Variants in DNMT3A observed in about 807,000 individuals in gnomAD.
DNMT3A encodes the protein DNA (cytosine-5)-methyltransferase 3A.
DNMT3A carries 267 observed loss-of-function variants against 117.6 expected under a neutral mutation model. The ratio of observed to expected loss-of-function variants is 2.27; its 90% CI spans 2.05 to 2.51. DNMT3A has a LOEUF of 2.51. DNMT3A is among the 30% of genes most tolerant of loss of function. The probability of loss-of-function intolerance (pLI) is 0.00; values close to 1 mark genes in which losing one functional copy is unlikely to be tolerated. For missense variants in DNMT3A, 1,029 were observed against 1,260.2 expected (o/e 0.82, Z 2.78); for synonymous variants, 432 against 474.8 (o/e 0.91, Z 1.17).
rs62129122 is a variant in DNMT3A, at chr2:25,230,809, C to T, written c.*3470G>A. 2.9e-5 allele frequency: 3 copies of T among 103,428 alleles called. No homozygotes were observed. Among genetic ancestry groups the T allele is most frequent in the South Asian group, 3.1e-4 (1 of 3,202 alleles). 6.4% of individuals were successfully genotyped at this position (103,428 alleles called of 1,614,324 possible). On this transcript the variant is annotated 3_prime_UTR_variant, in exon 23 of 23. Coordinates refer to ENST00000321117, the MANE Select transcript of DNMT3A (RefSeq NM_022552.5). ...CCTGCAAGGGGGGGGGGGGGGGGGC[C>T]ATGACCCCTGGGGCATCTGGTCCAT...
At chr2:25,338,816 T>C (rs1307013880) in intron 1 of DNMT3A, among the ~76,000 whole-genome samples, 1 of 152,186 alleles carries the variant, frequency 6.6e-6, no homozygotes, top group Non-Finnish European at 1.5e-5. Flanking sequence ...CCTGTCTTCC[T>C]AGCTTTTTGA....
At chr2:25,313,779 G>T in intron 2 of DNMT3A, 134 bp downstream of exon 2, 12 of 1,351,280 alleles carry the variant, frequency 8.9e-6, no homozygotes, top group Non-Finnish European at 1.2e-5. Flanking sequence ...ACAGGGATGT[G>T]ATGGTCCCAC....
chr2:25,282,627 A>G lies in DNMT3A; in HGVS notation c.262T>C (p.Leu88=), dbSNP rs2031970309. ...CGCTTCTCCAAGTCCCCATTGGGTA[A>G]TAGCTCTGAGGCGCCTGAGTCCTGG... ...MAQDSGASEL[L]PNGDLEKRSE... Residue 88 remains leucine, a synonymous_variant, in exon 4 of 23, where the codon TTA becomes CTA. Coordinates refer to ENST00000321117, the MANE Select transcript of DNMT3A (RefSeq NM_022552.5). This position sits in a 1 kb window ranked among gnomAD's most constrained non-coding sequence, Gnocchi z 5.2. 1 of 1,613,602 alleles carries G rather than the reference A, an allele frequency of 6.2e-7. No individual in the cohort carries two copies.
At chr2:25,340,121 T>G (rs962455811) in intron 1 of DNMT3A, among the ~76,000 whole-genome samples, 1 of 152,272 alleles carries the variant, frequency 6.6e-6, no homozygotes, top group African/African-American at 2.4e-5. Flanking sequence ...TGCGCGGCCC[T>G]GGGGCTCGGC....
chr2:25,235,697 A>G lies in DNMT3A; in HGVS notation c.2597+10T>C. ...CACACCGCAGCCAGATGCCAGCACA[A>G]CCCGGGTACCTTTCCATTTCAGTGC... On this transcript the variant is annotated intron_variant, in intron 22 of 22. Coordinates refer to ENST00000321117, the MANE Select transcript of DNMT3A (RefSeq NM_022552.5). 6.4e-7 allele frequency: 1 copy of G among 1,561,840 alleles called. No individual in the cohort carries two copies. The highest frequency in any genetic ancestry group is 8.8e-7 in the Non-Finnish European group (1 of 1,133,592).
At chr2:25,319,115 T>C (rs1002485837) in intron 1 of DNMT3A, among the ~76,000 whole-genome samples, 2 of 150,586 alleles carry the variant, frequency 1.3e-5, no homozygotes, top group South Asian at 2.1e-4. Flanking sequence ...CCCGGGTTCA[T>C]GCCATTCTCC....
rs2033660257 is a variant in DNMT3A at position 25,304,023 on chromosome 2, GAAAGA to G, written c.73-3785_73-3781del. On this transcript the variant is annotated intron_variant, in intron 2 of 22. Coordinates refer to ENST00000321117, the MANE Select transcript of DNMT3A (RefSeq NM_022552.5). This position sits in a 1 kb window ranked among gnomAD's most constrained non-coding sequence, Gnocchi z 4.3. ...AATTAGGAGGCGTTGCTAATACTCTGAAAGAAAAGAATCTGATCCGTGGTGACATG... is the reference window on the plus strand; with the variant it reads ...AATTAGGAGGCGTTGCTAATACTCTGAAAGAATCTGATCCGTGGTGACATG... Among the ~76,000 whole-genome samples, 1 of 152,226 alleles carries G rather than the reference GAAAGA, an allele frequency of 6.6e-6. No homozygotes were observed. The highest frequency in any genetic ancestry group is 6.5e-5 in the Admixed American group (1 of 15,288).
intron 6 of DNMT3A, among the ~76,000 whole-genome samples, chr2:25,272,894 C>A (rs1382955547): frequency 6.7e-6 from 1 of 150,058 alleles, no homozygotes; most frequent in Non-Finnish European, 1.5e-5. Flanking sequence ...CTCCACCTGT[C>A]GGGTTCAAGC....
chr2:25,243,892 C>CCT lies in DNMT3A; in HGVS notation c.1936+4_1936+5dup. On this transcript the variant is annotated splice_donor_region_variant and intron_variant, in intron 16 of 22. Transcript: ENST00000321117. ...GGCCAGCACCTCTTGGGCCTGCACC[C>CCT]CTCACCTGTAGCGATTCCATCAAAG... 6.4e-7 allele frequency: 1 copy of CCT among 1,551,918 alleles called. No homozygotes were observed. Among genetic ancestry groups the CCT allele is most frequent in the Non-Finnish European group, 8.7e-7 (1 of 1,147,024 alleles).
chr2:25,271,862 T>C (rs1426006380), intron 6 of DNMT3A, among the ~76,000 whole-genome samples: 1 of 152,202 alleles, frequency 6.6e-6, no homozygotes, highest in African/African-American at 2.4e-5. Context: ...GGGATGCAAA[T>C]GCCAAGGGTT....
intron 6 of DNMT3A, among the ~76,000 whole-genome samples, chr2:25,250,802 AG>A (rs1675431092): frequency 6.6e-6 from 1 of 152,140 alleles, no homozygotes; most frequent in African/African-American, 2.4e-5. Flanking sequence ...AGCCAGTACG[AG>A]GTGTGCAGGT....
chr2:25,301,977 C>G lies in DNMT3A; in HGVS notation c.73-1734G>C, dbSNP rs181323209. 9.2e-5 allele frequency among the ~76,000 whole-genome samples: 14 copies of G among 152,292 alleles called. No individual in the cohort carries two copies. In the East Asian group the frequency reaches 2.7e-3, roughly 29 times the overall value. On this transcript the variant is annotated intron_variant, in intron 2 of 22. Coordinates refer to ENST00000321117, the MANE Select transcript of DNMT3A (RefSeq NM_022552.5). ...GACAGTGGGACACACAAATGGAAAC[C>G]TACTGTGACCAGCTGTAGACATAAG...
chr2:25,267,861 G>A (rs2030499939), intron 6 of DNMT3A, among the ~76,000 whole-genome samples: 2 of 152,160 alleles, frequency 1.3e-5, no homozygotes, highest in Admixed American at 1.3e-4. Context: ...ATGGGTAGAG[G>A]CAGAAAACAA....
chr2:25,280,479 G>A (rs753108566), intron 4 of DNMT3A, among the ~76,000 whole-genome samples: 3 of 152,008 alleles, frequency 2.0e-5, no homozygotes, highest in Non-Finnish European at 4.4e-5. Flanking sequence ...CTTCTTCCCT[G>A]TTCTCACTCT....
intron 6 of DNMT3A, among the ~76,000 whole-genome samples, chr2:25,261,625 T>C (rs1200240113): frequency 6.9e-6 from 1 of 144,630 alleles, no homozygotes; most frequent in Non-Finnish European, 1.5e-5. Context: ...AAAAAAACCA[T>C]AAATAAATAA....
chr2:25,292,826 C>T (rs768622408), intron 3 of DNMT3A, among the ~76,000 whole-genome samples: 4 of 152,086 alleles, frequency 2.6e-5, no homozygotes, highest in Non-Finnish European at 4.4e-5. Context: ...GTCAACAGCT[C>T]TCCTCCAATG....
chr2:25,336,990 G>T (rs1349484271), intron 1 of DNMT3A, among the ~76,000 whole-genome samples: 1 of 152,150 alleles, frequency 6.6e-6, no homozygotes, highest in Non-Finnish European at 1.5e-5. Flanking sequence ...TCGTTAGCTG[G>T]GCGCATCCTA....
chr2:25,246,903 G>A, intron 9 of DNMT3A, 127 bp from the exon 10 acceptor site: 4 of 1,502,644 alleles, frequency 2.7e-6, no homozygotes, highest in Non-Finnish European at 1.8e-6. Context: ...CTGAGGAGGA[G>A]CGGGATGTGC....
intron 6 of DNMT3A, among the ~76,000 whole-genome samples, chr2:25,268,443 C>G (rs1419551162): frequency 1.3e-5 from 2 of 152,140 alleles, no homozygotes; most frequent in Admixed American, 6.5e-5. Context: ...AGCTACTGAC[C>G]CTGGGTCTCT....
Sources: gnomAD v4.1 joint callset for allele counts (sites outside exome capture counted in the v4.1 genomes callset) on GRCh38, gnomAD v4.1.1 for gene constraint, Gnocchi (gnomAD v3.1) non-coding constraint, MANE v1.5 for transcripts, NCBI Gene and HGNC (gene_info 2026-07-23, HGNC 2026-07-21) for gene names.